The following COL23A1 variants were observed in gnomAD, a reference collection of about 807,000 sequenced individuals.
The protein encoded by COL23A1 is collagen type XXIII alpha 1 chain.
Under a neutral mutation model 99.3 loss-of-function variants are expected in COL23A1, and 97 were observed. The ratio of observed to expected loss-of-function variants is 0.98; its 90% CI spans 0.83 to 1.16. The LOEUF is 1.16. Among genes scored for constraint, COL23A1 ranks in the 50% most tolerant of loss-of-function variants. COL23A1 has a pLI of 0.00. For missense variants in COL23A1, 762 were observed against 757.4 expected, an observed-to-expected ratio of 1.01 and a Z score of -0.07; for synonymous variants, 320 against 308.2, an observed-to-expected ratio of 1.04 and a Z score of -0.40.
chr5:178,509,220 CT>C (rs1191597203), intron 2 of COL23A1, among the ~76,000 whole-genome samples: 20 of 134,324 alleles, frequency 1.5e-4, no homozygotes, highest in Admixed American at 2.3e-4. Flanking sequence ...AACCTGCATT[CT>C]TTTTTTTTTG....
chr5:178,284,292 A>G (rs1247587641), intron 5 of COL23A1, among the ~76,000 whole-genome samples: 1 of 152,242 alleles, frequency 6.6e-6, no homozygotes, highest in Non-Finnish European at 1.5e-5. Flanking sequence ...CACAAACCTT[A>G]TCAAAACTAG....
intron 2 of COL23A1, among the ~76,000 whole-genome samples, chr5:178,494,514 T>C (rs1758096914): frequency 6.6e-6 from 1 of 152,146 alleles, no homozygotes; most frequent in Admixed American, 6.5e-5. Flanking sequence ...CTGTCTTTAC[T>C]AAAAATGCAA....
intron 2 of COL23A1, among the ~76,000 whole-genome samples, chr5:178,548,803 T>C (rs1474012575): frequency 1.3e-5 from 2 of 152,216 alleles, no homozygotes; most frequent in Non-Finnish European, 2.9e-5. Flanking sequence ...ATTTGCTTTC[T>C]ATACAGAATT....
At chr5:178,272,265 G>A (rs1199668302) in intron 5 of COL23A1, among the ~76,000 whole-genome samples, 2 of 152,224 alleles carry the variant, frequency 1.3e-5, no homozygotes, top group African/African-American at 4.8e-5. Context: ...GTGCCTGCCA[G>A]GTAGGAGGTA....
At chr5:178,312,230 T>G (rs2913771) in intron 2 of COL23A1, among the ~76,000 whole-genome samples, 118,372 of 152,046 alleles carry the variant, frequency 0.78, 46,563 homozygotes, top group Non-Finnish European at 0.83. Flanking sequence ...TGTGAACCTC[T>G]GGATGAGAAT....
chr5:178,479,357 A>G (rs1429536837), intron 2 of COL23A1, among the ~76,000 whole-genome samples: 1 of 152,110 alleles, frequency 6.6e-6, no homozygotes, highest in East Asian at 1.9e-4. Flanking sequence ...CACAGCAACG[A>G]AAAAAACCCC....
chr5:178,518,990 G>A (rs1182781945), intron 2 of COL23A1, among the ~76,000 whole-genome samples: 4 of 149,384 alleles, frequency 2.7e-5, no homozygotes, highest in Admixed American at 2.0e-4. Flanking sequence ...TGGGGCCCGC[G>A]GGCGTCAGCG....
At chr5:178,400,711 C>T (rs1238741402) in intron 2 of COL23A1, among the ~76,000 whole-genome samples, 1 of 151,500 alleles carries the variant, frequency 6.6e-6, no homozygotes, top group East Asian at 1.9e-4. Context: ...AATCTCAGCT[C>T]ACTCCAACCT....
Position 178,558,205 on chromosome 5 carries a change from G to A in COL23A1, c.361+2477C>T, listed in dbSNP as rs142179712. ...TGTTCCCTGCTCCCCACTCCTGATG[G>A]AAGGCAGGACACAGGTCCATCTGTA... is the stretch of plus-strand genomic sequence containing the variant. On this transcript the variant is annotated intron_variant, in intron 2 of 28. Coordinates refer to ENST00000390654, the MANE Select transcript of COL23A1 (RefSeq NM_173465.4). Among the ~76,000 whole-genome samples the A allele has an allele frequency of 7.5e-3, 1,135 of 152,056 alleles. 10 individuals carry two copies. Among genetic ancestry groups the A allele is most frequent in the Non-Finnish European group, 0.012 (789 of 67,980 alleles).
intron 2 of COL23A1, among the ~76,000 whole-genome samples, chr5:178,436,269 A>C (rs6601237): frequency 2.6e-5 from 4 of 152,020 alleles, no homozygotes; most frequent in Admixed American, 6.5e-5. Flanking sequence ...GTTTAGTGCT[A>C]TGGACAGTGT....
chr5:178,459,669 G>A (rs1353092664), intron 2 of COL23A1, among the ~76,000 whole-genome samples: 1 of 152,160 alleles, frequency 6.6e-6, no homozygotes, highest in Non-Finnish European at 1.5e-5. Context: ...GGCTGAGGCA[G>A]GAGAATCGCT....
At chr5:178,242,016 G>T in intron 27 of COL23A1, 26 bp downstream of exon 27, 1 of 1,537,790 alleles carries the variant, frequency 6.5e-7, no homozygotes, top group East Asian at 2.4e-5. Context: ...AAAAGACCTG[G>T]GGCAGGGCCC....
chr5:178,322,528 G>A (rs1277348941), intron 2 of COL23A1, among the ~76,000 whole-genome samples: 1 of 152,148 alleles, frequency 6.6e-6, no homozygotes, highest in Admixed American at 6.5e-5. Context: ...GGATTTGCGC[G>A]CTGCTTCTGT....
At chr5:178,336,348 C>A (rs13358802) in intron 2 of COL23A1, among the ~76,000 whole-genome samples, 3 of 152,180 alleles carry the variant, frequency 2.0e-5, no homozygotes, top group African/African-American at 7.2e-5. Context: ...ATGGCCATCA[C>A]CTGATGAATG....
intron 2 of COL23A1, among the ~76,000 whole-genome samples, chr5:178,337,776 A>G (rs924996956): frequency 6.6e-6 from 1 of 152,180 alleles, no homozygotes; most frequent in African/African-American, 2.4e-5. Context: ...ACTGTCCACC[A>G]TTAGCGTCTG....
At chr5:178,256,665 C>T (rs944900434) in intron 14 of COL23A1, among the ~76,000 whole-genome samples, 15 of 152,186 alleles carry the variant, frequency 9.9e-5, no homozygotes, top group Non-Finnish European at 1.8e-4. Flanking sequence ...AAGCTGGGCA[C>T]CAGTGGAGGC....
intron 5 of COL23A1, among the ~76,000 whole-genome samples, chr5:178,283,257 T>A (rs1032791971): frequency 2.0e-5 from 3 of 152,152 alleles, no homozygotes; most frequent in African/African-American, 7.2e-5. Flanking sequence ...TGGTTCTACT[T>A]GGTGCAGCTC....
intron 2 of COL23A1, among the ~76,000 whole-genome samples, chr5:178,408,917 T>C (rs1764897645): frequency 7.2e-6 from 1 of 139,798 alleles, no homozygotes. Flanking sequence ...ACCGTGCCAC[T>C]GCACTCCAGC....
rs932937220 is a variant in COL23A1, at chr5:178,434,898, T to C, written c.361+125784A>G. On this transcript the variant is annotated intron_variant, in intron 2 of 28. Transcript: ENST00000390654. The surrounding 1 kb of genome is among the most constrained non-coding windows in gnomAD (Gnocchi z 4.3). ...GGCATCCACTTCTGAACCCTCGGTC[T>C]CAGCCCTTGCAGGGCAGCCCAGCCC... Among the ~76,000 whole-genome samples the C allele has an allele frequency of 6.6e-6, 1 of 152,210 alleles. No individual in the cohort carries two copies. Among genetic ancestry groups the C allele is most frequent in the African/African-American group, 2.4e-5 (1 of 41,452 alleles).
Sources: allele counts gnomAD v4.1 joint callset (sites outside exome capture counted in the v4.1 genomes callset), GRCh38; gene constraint gnomAD v4.1.1; non-coding constraint Gnocchi (gnomAD v3.1); transcripts MANE v1.5; gene names NCBI Gene and HGNC (gene_info 2026-07-23, HGNC 2026-07-21).